KHDRBS2: variants seen among roughly 807,000 people sequenced by gnomAD.
KHDRBS2 encodes the protein KH domain-containing, RNA-binding, signal transduction-associated protein 2.
Under a neutral mutation model 44.3 loss-of-function variants are expected in KHDRBS2, and 26 were observed. The ratio of observed to expected loss-of-function variants is 0.59; its 90% CI spans 0.43 to 0.81. KHDRBS2 has a LOEUF of 0.81. Among genes scored for constraint, KHDRBS2 ranks in the 40% least tolerant of loss-of-function variants. The pLI is 0.00. For missense variants in KHDRBS2, 476 were observed against 433.1 expected (o/e 1.10, Z -0.88); for synonymous variants, 194 against 151.1 (o/e 1.28, Z -2.08).
chr6:62,068,707 TACATG>T (rs1794316320), intron 2 of KHDRBS2, among the ~76,000 whole-genome samples: 1 of 151,624 alleles, frequency 6.6e-6, no homozygotes, highest in African/African-American at 2.4e-5. Context: ...TTCATTGCTT[TACATG>T]TGACTAACCA....
At chr6:62,170,174 A>G (rs1375845549) in intron 2 of KHDRBS2, among the ~76,000 whole-genome samples, 1 of 151,940 alleles carries the variant, frequency 6.6e-6, no homozygotes, top group Non-Finnish European at 1.5e-5. Context: ...CTCCCACAGC[A>G]CCTAGCTGAG....
At chr6:61,717,365 A>AG (rs1466775576) in intron 7 of KHDRBS2, among the ~76,000 whole-genome samples, 1 of 152,050 alleles carries the variant, frequency 6.6e-6, no homozygotes, top group Non-Finnish European at 1.5e-5. Context: ...GAGAAAAAAA[A>AG]CAGTGTTTAT....
intron 6 of KHDRBS2, among the ~76,000 whole-genome samples, chr6:61,859,985 G>T (rs1562318555): frequency 6.6e-6 from 1 of 151,942 alleles, no homozygotes; most frequent in African/African-American, 2.4e-5. Context: ...GAGACATAGA[G>T]AAGAGTGTAT....
chr6:61,814,809 A>C (rs1420893935), intron 6 of KHDRBS2, among the ~76,000 whole-genome samples: 1 of 152,064 alleles, frequency 6.6e-6, no homozygotes, highest in Non-Finnish European at 1.5e-5. Context: ...GAACCTGTGG[A>C]TAGTACTGAA....
chr6:61,960,204 C>G (rs1348990221), intron 4 of KHDRBS2, among the ~76,000 whole-genome samples: 1 of 151,982 alleles, frequency 6.6e-6, no homozygotes, highest in Non-Finnish European at 1.5e-5. Context: ...CACCATACAA[C>G]CTGCTTCTCC....
chr6:62,154,916 G>T (rs1816031052), intron 2 of KHDRBS2, among the ~76,000 whole-genome samples: 1 of 152,186 alleles, frequency 6.6e-6, no homozygotes, highest in African/African-American at 2.4e-5. Flanking sequence ...TACAAAAATT[G>T]TCATGAAGAC....
chr6:61,935,936 A>G (rs538929119), intron 4 of KHDRBS2, among the ~76,000 whole-genome samples: 1 of 152,224 alleles, frequency 6.6e-6, no homozygotes, highest in South Asian at 2.1e-4. Flanking sequence ...GGAAATTTCT[A>G]GTTCTTCAAT....
chr6:61,726,395 T>G (rs927694334), intron 7 of KHDRBS2, among the ~76,000 whole-genome samples: 1 of 152,162 alleles, frequency 6.6e-6, no homozygotes, highest in Non-Finnish European at 1.5e-5. Context: ...CCACTCTTAT[T>G]CAACTTAGTA....
chr6:61,713,446 T>A (rs527680368), intron 7 of KHDRBS2, among the ~76,000 whole-genome samples: 1 of 151,954 alleles, frequency 6.6e-6, no homozygotes, highest in East Asian at 1.9e-4. Flanking sequence ...GTGTTGTTAT[T>A]AGTTTTCCAA....
intron 1 of KHDRBS2, among the ~76,000 whole-genome samples, chr6:62,260,599 TA>T (rs1439637998): frequency 1.3e-5 from 2 of 151,890 alleles, no homozygotes; most frequent in Non-Finnish European, 2.9e-5. Context: ...GAATTTTTTT[TA>T]AAAAAAGAAA....
rs369570219 is a variant in KHDRBS2 at position 62,169,034 on chromosome 6, CATAT to C, written c.219+8147_219+8150del. 5.0e-3 allele frequency among the ~76,000 whole-genome samples: 365 copies of C among 72,576 alleles called. 14 individuals are homozygous for C. The highest frequency in any genetic ancestry group is 0.016 in the African/African-American group (283 of 18,192). 47.6% of individuals were successfully genotyped at this position (72,576 alleles called of 152,430 possible). ...TTAAGAATAGTGTTTGTTCTCCAGT[CATAT>C]ATATATATATATATATATATATATG... On this transcript the variant is annotated intron_variant, in intron 2 of 8. Coordinates refer to ENST00000281156, the MANE Select transcript of KHDRBS2 (RefSeq NM_152688.4).
At chr6:62,068,517 T>C (rs899788894) in intron 2 of KHDRBS2, among the ~76,000 whole-genome samples, 4 of 151,618 alleles carry the variant, frequency 2.6e-5, no homozygotes, top group African/African-American at 4.8e-5. Context: ...AAAATTTTAA[T>C]AGTCTAACTT....
At chr6:61,795,880 T>C (rs1232320039) in intron 6 of KHDRBS2, among the ~76,000 whole-genome samples, 5 of 152,154 alleles carry the variant, frequency 3.3e-5, no homozygotes, top group African/African-American at 1.2e-4. Context: ...GTTATATTTT[T>C]ACTATCTTAG....
At chr6:61,560,803 G>A in the KHDRBS2 span, among the ~76,000 whole-genome samples, 2 of 152,002 alleles carry the variant, frequency 1.3e-5, no homozygotes, top group Non-Finnish European at 1.5e-5. Context: ...TGTCTGTCTT[G>A]GATTGTCTCT....
At chr6:62,108,891 A>G (rs1804262437) in intron 2 of KHDRBS2, among the ~76,000 whole-genome samples, 1 of 152,174 alleles carries the variant, frequency 6.6e-6, no homozygotes, top group African/African-American at 2.4e-5. Context: ...GTGGGAATTG[A>G]ACAATGAGAA....
chr6:61,786,660 C>T (rs116776692), intron 6 of KHDRBS2, among the ~76,000 whole-genome samples: 3 of 151,926 alleles, frequency 2.0e-5, no homozygotes, highest in Non-Finnish European at 4.4e-5. Flanking sequence ...GATTTTACGA[C>T]CTAATAATTC....
intron 1 of KHDRBS2, among the ~76,000 whole-genome samples, chr6:62,269,744 C>A (rs1839775490): frequency 6.6e-6 from 1 of 151,962 alleles, no homozygotes; most frequent in Non-Finnish European, 1.5e-5. Flanking sequence ...ACACTCCATG[C>A]AAAGAAAACA....
At chr6:62,091,104 C>T (rs1799416289) in intron 2 of KHDRBS2, among the ~76,000 whole-genome samples, 1 of 152,080 alleles carries the variant, frequency 6.6e-6, no homozygotes, top group Non-Finnish European at 1.5e-5. Context: ...ATCTGGGTGC[C>T]TGATTGGATG....
chr6:61,784,133 CTTTAATA>C (rs1304420280), intron 6 of KHDRBS2, among the ~76,000 whole-genome samples: 1 of 151,754 alleles, frequency 6.6e-6, no homozygotes, highest in Non-Finnish European at 1.5e-5. Context: ...GCCTGAATTA[CTTTAATA>C]TTTGGATTCA....
Sources: gnomAD v4.1 joint callset for allele counts (sites outside exome capture counted in the v4.1 genomes callset) on GRCh38, gnomAD v4.1.1 for gene constraint, MANE v1.5 for transcripts, NCBI Gene and HGNC (gene_info 2026-07-23, HGNC 2026-07-21) for gene names.